RFX4: variants seen among roughly 807,000 people sequenced by gnomAD.
RFX4 encodes the protein regulatory factor X4, also known as transcription factor RFX4.
A neutral mutation model predicts 95.0 loss-of-function variants in RFX4; 10 were observed. That is an observed-to-expected ratio of 0.11 (90% CI 0.06 to 0.18). The LOEUF is 0.18. Among genes scored for constraint, RFX4 ranks in the 10% least tolerant of loss-of-function variants. The pLI is 1.00. For synonymous variants in RFX4, 321 were observed against 340.7 expected, an observed-to-expected ratio of 0.94 and a Z score of 0.64; for missense variants, 640 against 922.0, an observed-to-expected ratio of 0.69 and a Z score of 3.96.
At chr12:106,659,050 T>C (rs1300255209) in intron 4 of RFX4, among the ~76,000 whole-genome samples, 1 of 152,212 alleles carries the variant, frequency 6.6e-6, no homozygotes, top group Non-Finnish European at 1.5e-5. Context: ...CCCACTTCCT[T>C]CCCTGACCCC....
chr12:106,636,105 T>C (rs1345357172), intron 2 of RFX4, among the ~76,000 whole-genome samples: 2 of 152,186 alleles, frequency 1.3e-5, no homozygotes, highest in African/African-American at 2.4e-5. Flanking sequence ...GCCTTCTCAC[T>C]GAGTTTATGC....
chr12:106,705,782 G>A lies in RFX4; in HGVS notation c.834-3548G>A, dbSNP rs116622450. On this transcript the variant is annotated intron_variant, in intron 8 of 17. Transcript: ENST00000392842. ...GAGGGGGACAGTTTGGACAAGACCC[G>A]TTGTCCATCTGGGGATGGAGAGCCA... is the stretch of plus-strand genomic sequence containing the variant. Among the ~76,000 whole-genome samples, 1,284 of 152,168 alleles carry A rather than the reference G, an allele frequency of 8.4e-3. 12 individuals carry two copies. Among genetic ancestry groups the A allele is most frequent in the African/African-American group, 0.023 (953 of 41,496 alleles).
chr12:106,755,319 C>T (rs927361927), intron 17 of RFX4, among the ~76,000 whole-genome samples: 1 of 152,194 alleles, frequency 6.6e-6, no homozygotes, highest in Non-Finnish European at 1.5e-5. Flanking sequence ...ATGTCTCGAA[C>T]TCCTGGGCTC....
At chr12:106,732,355 T>C (rs2042629225) in intron 14 of RFX4, 106 bp downstream of exon 14, 2 of 1,464,598 alleles carry the variant, frequency 1.4e-6, no homozygotes, top group Admixed American at 1.9e-5. Context: ...AATTTAGTTA[T>C]GGTGAACAGG....
At chr12:106,666,186 C>CT (rs1798743386) in intron 4 of RFX4, among the ~76,000 whole-genome samples, 1 of 151,930 alleles carries the variant, frequency 6.6e-6, no homozygotes, top group Admixed American at 6.6e-5. Flanking sequence ...CCTCTCAATA[C>CT]TTTAAATATT....
At chr12:106,735,582 A>G (rs976005817) in intron 15 of RFX4, among the ~76,000 whole-genome samples, 2 of 152,228 alleles carry the variant, frequency 1.3e-5, no homozygotes, top group Non-Finnish European at 2.9e-5. Context: ...CATTTGCAAC[A>G]TTAGATTCAA....
chr12:106,637,903 C>T (rs768936608), intron 2 of RFX4, among the ~76,000 whole-genome samples: 5 of 152,020 alleles, frequency 3.3e-5, no homozygotes, highest in African/African-American at 7.3e-5. Flanking sequence ...ATAGGCAATA[C>T]TAATTTTAAT....
intron 15 of RFX4, among the ~76,000 whole-genome samples, chr12:106,741,052 A>G (rs1330146709): frequency 6.6e-6 from 1 of 152,242 alleles, no homozygotes; most frequent in Non-Finnish European, 1.5e-5. Context: ...ATGCAGCAAC[A>G]TAAGAAGGAA....
At chr12:106,696,206 G>A in intron 7 of RFX4, 77 bp from the exon 8 acceptor site, 3 of 1,542,430 alleles carry the variant, frequency 1.9e-6, no homozygotes, top group African/African-American at 1.4e-5. Context: ...GACTGGGTTG[G>A]CCTTGGTGGA....
intron 4 of RFX4, among the ~76,000 whole-genome samples, chr12:106,664,070 A>G (rs999957614): frequency 6.6e-5 from 10 of 151,868 alleles, no homozygotes; most frequent in African/African-American, 2.2e-4. Flanking sequence ...AGCTGACTTC[A>G]TAGAAAGAGT....
At chr12:106,724,029 C>A (rs1479428076) in intron 13 of RFX4, among the ~76,000 whole-genome samples, 1 of 152,102 alleles carries the variant, frequency 6.6e-6, no homozygotes, top group Non-Finnish European at 1.5e-5. Flanking sequence ...GTATTGAGGG[C>A]CGAATATACT....
chr12:106,704,592 C>G (rs1163352847), intron 8 of RFX4, among the ~76,000 whole-genome samples: 2 of 152,182 alleles, frequency 1.3e-5, no homozygotes, highest in South Asian at 4.1e-4. Context: ...CTCCCCACCC[C>G]CTAGCTCAGA....
chr12:106,735,946 A>G (rs1317297097), intron 15 of RFX4, among the ~76,000 whole-genome samples: 1 of 152,178 alleles, frequency 6.6e-6, no homozygotes, highest in African/African-American at 2.4e-5. Context: ...CCTCACAAAG[A>G]TTCCAGGCTT....
At chr12:106,671,066 C>T (rs2137367350) in intron 4 of RFX4, among the ~76,000 whole-genome samples, 1 of 152,252 alleles carries the variant, frequency 6.6e-6, no homozygotes, top group African/African-American at 2.4e-5. Flanking sequence ...TCTTGAAAAG[C>T]CCTTCTTTAC....
intron 4 of RFX4, among the ~76,000 whole-genome samples, chr12:106,654,963 G>C (rs2040927261): frequency 6.6e-6 from 1 of 152,086 alleles, no homozygotes. Flanking sequence ...TACCCAATTT[G>C]AGTCAATACA....
At chr12:106,724,795 T>C (rs1451143278) in intron 13 of RFX4, among the ~76,000 whole-genome samples, 2 of 152,118 alleles carry the variant, frequency 1.3e-5, no homozygotes, top group Non-Finnish European at 2.9e-5. Flanking sequence ...GTGGATTCCC[T>C]GAGGTCAGGA....
At chr12:106,653,888 C>T (rs12299235) in intron 3 of RFX4, among the ~76,000 whole-genome samples, 8,994 of 152,240 alleles carry the variant, frequency 0.059, 582 homozygotes, top group African/African-American at 0.16. Context: ...CTGATTGGGG[C>T]ACCCACAAGA....
intron 8 of RFX4, among the ~76,000 whole-genome samples, chr12:106,704,007 A>T (rs1283031589): frequency 7.2e-6 from 1 of 138,126 alleles, no homozygotes; most frequent in Non-Finnish European, 1.5e-5. Flanking sequence ...CGGAGGTTGC[A>T]GTGAGCTGAG....
At chr12:106,684,627 G>T in intron 5 of RFX4, 1 of 1,291,990 alleles carries the variant, frequency 7.7e-7, no homozygotes, top group South Asian at 1.6e-5. Context: ...AACTTTTTAA[G>T]GTTACGGTGG....
Sources: gnomAD v4.1 joint callset for allele counts (sites outside exome capture counted in the v4.1 genomes callset) on GRCh38, gnomAD v4.1.1 for gene constraint, MANE v1.5 for transcripts, NCBI Gene and HGNC (gene_info 2026-07-23, HGNC 2026-07-21) for gene names.